NDUFA12: variants seen among roughly 807,000 people sequenced by gnomAD.
NDUFA12 encodes NADH dehydrogenase [ubiquinone] 1 alpha subcomplex subunit 12.
In NDUFA12, 17 loss-of-function variants were observed where a neutral mutation model predicts 20.3. The ratio of observed to expected loss-of-function variants is 0.84; its 90% CI spans 0.57 to 1.26. The LOEUF (loss-of-function observed/expected upper bound fraction) is 1.26. Ranked by LOEUF, NDUFA12 falls within the 50% of genes most tolerant of loss-of-function variation. The pLI is 0.00. For synonymous variants in NDUFA12, 72 were observed against 63.6 expected, an observed-to-expected ratio of 1.13 and a Z score of -0.63; for missense variants, 191 against 183.7, an observed-to-expected ratio of 1.04 and a Z score of -0.23.
At chr12:95,003,122 C>A (rs138633393) in intron 1 of NDUFA12, among the ~76,000 whole-genome samples, 2 of 152,320 alleles carry the variant, frequency 1.3e-5, no homozygotes, top group African/African-American at 4.8e-5. Flanking sequence ...CATCTTCTTA[C>A]AATGATACGA....
At position 94,996,727 on chromosome 12, in the gene NDUFA12, G is replaced by A. The variant is rs370589483; in HGVS notation, c.170-2470C>T. Among the ~76,000 whole-genome samples, 38 of 151,604 alleles carry A rather than the reference G, an allele frequency of 2.5e-4. 2 individuals are homozygous for A. Among genetic ancestry groups the A allele is most frequent in the East Asian group, 2.2e-3 (11 of 5,090 alleles). ...CCAGCTACTCAGGAGGCTGAGGCAG[G>A]AGAATCACTTGAACCTGGGAGGTGG... On this transcript the variant is annotated intron_variant, in intron 2 of 3. Coordinates refer to ENST00000327772, the MANE Select transcript of NDUFA12 (RefSeq NM_018838.5).
intron 2 of NDUFA12, 37 bp from the exon 3 acceptor site, chr12:94,994,294 T>C: frequency 6.4e-7 from 1 of 1,566,400 alleles, no homozygotes; most frequent in Non-Finnish European, 8.8e-7. Flanking sequence ...AGAAAAACTT[T>C]TTTTTTTAAA....
chr12:94,978,080 G>T (rs1279261845), intron 3 of NDUFA12, among the ~76,000 whole-genome samples: 1 of 152,230 alleles, frequency 6.6e-6, no homozygotes, highest in African/African-American at 2.4e-5. Context: ...CAACAGGGCT[G>T]TGACTAGGAC....
intron 3 of NDUFA12, among the ~76,000 whole-genome samples, chr12:94,979,868 C>T (rs1874182194): frequency 6.6e-6 from 1 of 151,578 alleles, no homozygotes; most frequent in Non-Finnish European, 1.5e-5. Flanking sequence ...GGAACTATGT[C>T]CAATATTGAC....
intron 2 of NDUFA12, among the ~76,000 whole-genome samples, chr12:94,994,714 A>C (rs1477093479): frequency 1.3e-5 from 2 of 152,210 alleles, no homozygotes; most frequent in African/African-American, 4.8e-5. Flanking sequence ...TCCTTTTGGA[A>C]ATTTGTGAAT....
At chr12:94,995,461 G>GTC (rs1592705331) in intron 2 of NDUFA12, among the ~76,000 whole-genome samples, 2 of 152,034 alleles carry the variant, frequency 1.3e-5, no homozygotes, top group East Asian at 1.9e-4. Flanking sequence ...CTCTCTGTCT[G>GTC]TCTCTCTCTC....
At chr12:94,971,691 G>A (rs1873891328) in intron 3 of NDUFA12, 71 bp from the exon 4 acceptor site, 19 of 1,548,422 alleles carry the variant, frequency 1.2e-5, no homozygotes, top group Non-Finnish European at 1.7e-5. Context: ...GGTTAAAAAC[G>A]TAGCCCTGGA....
chr12:95,003,468 A>T (rs974655054), intron 1 of NDUFA12, 127 bp downstream of exon 1: 2 of 999,458 alleles, frequency 2.0e-6, no homozygotes, highest in Non-Finnish European at 3.2e-6. Flanking sequence ...CAAGGCAGAG[A>T]TTGGGGCGGT....
At chr12:94,976,873 C>T (rs757963835) in intron 3 of NDUFA12, among the ~76,000 whole-genome samples, 21 of 152,230 alleles carry the variant, frequency 1.4e-4, no homozygotes, top group Middle Eastern at 3.4e-3. Context: ...TCCAACAAGG[C>T]ATCTTTGTAA....
intron 2 of NDUFA12, among the ~76,000 whole-genome samples, chr12:95,000,548 CT>C (rs1284003037): frequency 1.3e-5 from 2 of 152,216 alleles, no homozygotes; most frequent in Non-Finnish European, 2.9e-5. Flanking sequence ...CTCCCATTCA[CT>C]TTTCATCTTT....
At position 94,982,259 on chromosome 12, in the gene NDUFA12, A is replaced by G. The variant is rs148005718; in HGVS notation, c.258-10639T>C. On this transcript the variant is annotated intron_variant, in intron 3 of 3. Transcript: ENST00000327772. ...CAGCTCACCCAGCCGTCCAGAAGCT[A>G]TTTTCTTTTTCTTTTCTTTTTTTTT... 1.1e-4 allele frequency among the ~76,000 whole-genome samples: 15 copies of G among 136,876 alleles called. No homozygotes were observed. The East Asian group carries it at 3.3e-3, about 30-fold the overall frequency. 89.8% of individuals were successfully genotyped at this position (136,876 alleles called of 152,430 possible). A position where few individuals can be genotyped will look rare whatever the true frequency, so the allele number is the denominator to read the frequency against.
intron 3 of NDUFA12, among the ~76,000 whole-genome samples, chr12:94,985,165 A>C (rs984207026): frequency 2.6e-5 from 4 of 152,048 alleles, no homozygotes; most frequent in Non-Finnish European, 4.4e-5. Flanking sequence ...TTTATAAAAA[A>C]AATTTTTAAA....
At chr12:94,986,564 T>C (rs10777665) in intron 3 of NDUFA12, among the ~76,000 whole-genome samples, 39,875 of 151,936 alleles carry the variant, frequency 0.26, 5,524 homozygotes, top group Non-Finnish European at 0.26. Flanking sequence ...CCCACAAATA[T>C]ATACAATTAT....
chr12:94,974,526 G>A (rs577649496), intron 3 of NDUFA12, among the ~76,000 whole-genome samples: 38 of 152,266 alleles, frequency 2.5e-4, no homozygotes, highest in African/African-American at 8.2e-4. Context: ...TCAGTATATC[G>A]AAGAGACTTT....
chr12:94,978,676 C>T (rs1874139056), intron 3 of NDUFA12, among the ~76,000 whole-genome samples: 1 of 152,148 alleles, frequency 6.6e-6, no homozygotes, highest in Admixed American at 6.5e-5. Flanking sequence ...GTTTACCGAA[C>T]ATTCATCAAA....
intron 2 of NDUFA12, among the ~76,000 whole-genome samples, chr12:95,000,210 T>C (rs891358353): frequency 1.3e-5 from 2 of 152,128 alleles, no homozygotes; most frequent in African/African-American, 4.8e-5. Context: ...TTATTCTAAG[T>C]GAAGTAACTC....
chr12:94,995,564 C>G (rs980853670), intron 2 of NDUFA12, among the ~76,000 whole-genome samples: 2 of 152,138 alleles, frequency 1.3e-5, no homozygotes, highest in Admixed American at 6.6e-5. Context: ...GAGTCTCGCT[C>G]TGTCGCCTAG....
chr12:94,971,918 G>A (rs977353140), intron 3 of NDUFA12: 4 of 511,182 alleles, frequency 7.8e-6, no homozygotes, highest in African/African-American at 1.9e-5. Flanking sequence ...TTTTTTCTTC[G>A]TTTTCTTTCT....
intron 3 of NDUFA12, among the ~76,000 whole-genome samples, chr12:94,990,073 C>T (rs1874586637): frequency 6.6e-6 from 1 of 152,028 alleles, no homozygotes; most frequent in South Asian, 2.1e-4. Flanking sequence ...TATAGAATGC[C>T]CCTTTGGAGA....
Sources: gnomAD v4.1 joint callset for allele counts (sites outside exome capture counted in the v4.1 genomes callset) on GRCh38, gnomAD v4.1.1 for gene constraint, MANE v1.5 for transcripts, NCBI Gene and HGNC (gene_info 2026-07-23, HGNC 2026-07-21) for gene names.